The following CPED1 variants were observed in gnomAD, a reference collection of about 807,000 sequenced individuals.
CPED1 encodes the protein cadherin-like and PC-esterase domain-containing protein 1.
In CPED1, 114 loss-of-function variants were observed where a neutral mutation model predicts 128.2. That is an observed-to-expected ratio of 0.89 (90% confidence interval 0.76 to 1.04). CPED1 has a LOEUF of 1.04. Ranked by LOEUF, CPED1 falls within the 50% of genes least tolerant of loss-of-function variation. The probability of loss-of-function intolerance (pLI) is 0.00; values close to 1 mark genes in which losing one functional copy is unlikely to be tolerated. For synonymous variants in CPED1, 462 were observed against 426.7 expected (o/e 1.08, Z -1.02); for missense variants, 1,211 against 1,207.1 (o/e 1.00, Z -0.05).
chr7:121,046,106 T>C (rs996165079), intron 3 of CPED1, among the ~76,000 whole-genome samples: 1 of 152,096 alleles, frequency 6.6e-6, no homozygotes, highest in African/African-American at 2.4e-5. Context: ...AACCCATGTA[T>C]ACACACAAAT....
chr7:121,127,022 A>G (rs867531866), intron 9 of CPED1, 68 bp from the exon 10 acceptor site: 1 of 1,170,216 alleles, frequency 8.5e-7, no homozygotes, highest in Non-Finnish European at 1.2e-6. Flanking sequence ...ATCATGTCTT[A>G]GAAGTAATTC....
Position 121,267,280 on chromosome 7 carries a change from A to G in CPED1, c.2699A>G (p.Asp900Gly). The G allele has an allele frequency of 3.1e-6, 5 of 1,591,628 alleles. No individual in the cohort carries two copies. The highest frequency in any genetic ancestry group is 4.3e-6 in the Non-Finnish European group (5 of 1,164,484). ...TLGIGFHLPV[D>G]GVHFLTQSEV... ...GGAATTGGATTTCATCTGCCAGTGG[A>G]TGGAGTACATTTCTTAACACAGGTA... Residue 900 changes from aspartate to glycine, a missense_variant, in exon 21 of 23, where the codon GAT becomes GGT. Coordinates refer to ENST00000310396, the MANE Select transcript of CPED1 (RefSeq NM_024913.5).
intron 3 of CPED1, among the ~76,000 whole-genome samples, chr7:121,042,969 G>A (rs1333135137): frequency 6.6e-6 from 1 of 152,174 alleles, no homozygotes; most frequent in Non-Finnish European, 1.5e-5. Context: ...GGCTTTGCCT[G>A]TTTTCAGCTA....
At chr7:121,130,665 C>G (rs1036911403) in intron 12 of CPED1, among the ~76,000 whole-genome samples, 1 of 151,970 alleles carries the variant, frequency 6.6e-6, no homozygotes, top group Non-Finnish European at 1.5e-5. Flanking sequence ...CAGCTTGAGA[C>G]AGTAAAATTA....
intron 7 of CPED1, among the ~76,000 whole-genome samples, chr7:121,118,632 T>C (rs1214513263): frequency 6.6e-6 from 1 of 151,822 alleles, no homozygotes; most frequent in African/African-American, 2.4e-5. Context: ...AGGTCATTCT[T>C]GTGTTGCTGT....
At chr7:121,120,592 G>C (rs755129217) in intron 7 of CPED1, among the ~76,000 whole-genome samples, 1 of 152,038 alleles carries the variant, frequency 6.6e-6, no homozygotes, top group Non-Finnish European at 1.5e-5. Flanking sequence ...TTCTGCTCCG[G>C]TTTCTCATTC....
chr7:121,149,247 C>T (rs1796095904), intron 16 of CPED1, among the ~76,000 whole-genome samples: 2 of 151,452 alleles, frequency 1.3e-5, no homozygotes, highest in African/African-American at 2.4e-5. Context: ...ATTTTGAATG[C>T]ATAGACCTCC....
chr7:121,226,092 C>A (rs1798003133), intron 16 of CPED1, among the ~76,000 whole-genome samples: 1 of 152,094 alleles, frequency 6.6e-6, no homozygotes, highest in Admixed American at 6.6e-5. Flanking sequence ...CTTTTCTGCT[C>A]TGGGTTTTCC....
At chr7:121,124,754 G>A (rs913600865) in intron 8 of CPED1, among the ~76,000 whole-genome samples, 22 of 152,218 alleles carry the variant, frequency 1.4e-4, no homozygotes, top group African/African-American at 4.3e-4. Context: ...CTTTTCAAGT[G>A]CAACTGTTTC....
In CPED1 at chr7:121,193,479, CA is replaced by C. The variant is rs1797193692; in HGVS notation, c.2056-43233del. Reference sequence around the variant, plus strand: ...TGTCAAAGTTCCTACTGGGTCGCTTCAACTAATAAAATCAAAATCACATTAA... The same window carrying C: ...TGTCAAAGTTCCTACTGGGTCGCTTCACTAATAAAATCAAAATCACATTAA... On this transcript the variant is annotated intron_variant, in intron 16 of 22. Transcript: ENST00000310396. Among the ~76,000 whole-genome samples, 3 of 152,212 alleles carry C rather than the reference CA, an allele frequency of 2.0e-5. No homozygotes were observed. The South Asian group carries it at 6.2e-4, about 32-fold the overall frequency.
At chr7:121,038,093 T>A (rs1472864067) in intron 3 of CPED1, among the ~76,000 whole-genome samples, 1 of 152,174 alleles carries the variant, frequency 6.6e-6, no homozygotes, top group East Asian at 1.9e-4. Context: ...GCAGCGACAG[T>A]TTGACTTCCT....
At chr7:121,200,531 G>T (rs1394628084) in intron 16 of CPED1, among the ~76,000 whole-genome samples, 1 of 152,028 alleles carries the variant, frequency 6.6e-6, no homozygotes, top group Admixed American at 6.6e-5. Context: ...AGAGGTTCTG[G>T]GAGCCTTTTT....
At chr7:121,265,298 G>C (rs1792101153) in intron 18 of CPED1, among the ~76,000 whole-genome samples, 1 of 152,030 alleles carries the variant, frequency 6.6e-6, no homozygotes, top group Non-Finnish European at 1.5e-5. Context: ...TCTCCATTTA[G>C]TAGATTTATG....
At chr7:121,253,080 A>C (rs1338730984) in intron 18 of CPED1, among the ~76,000 whole-genome samples, 2 of 152,072 alleles carry the variant, frequency 1.3e-5, no homozygotes, top group Non-Finnish European at 2.9e-5. Flanking sequence ...CAACAATGAT[A>C]GACTGGATTA....
At chr7:121,056,336 T>A (rs1793498731) in intron 4 of CPED1, among the ~76,000 whole-genome samples, 1 of 152,142 alleles carries the variant, frequency 6.6e-6, no homozygotes, top group African/African-American at 2.4e-5. Context: ...AATCTCCTAT[T>A]TAAAATAAGT....
intron 2 of CPED1, among the ~76,000 whole-genome samples, chr7:120,990,431 T>C (rs1049779841): frequency 1.3e-4 from 20 of 152,202 alleles, no homozygotes; most frequent in Admixed American, 1.2e-3. Flanking sequence ...ATACAATGTA[T>C]TTTATTGTTT....
chr7:121,050,550 G>A (rs922651886), intron 4 of CPED1: 2 of 172,820 alleles, frequency 1.2e-5, no homozygotes, highest in East Asian at 1.8e-4. Flanking sequence ...TGCAACATCC[G>A]CCTCCCAGGT....
chr7:121,126,973 C>G, intron 9 of CPED1, 117 bp from the exon 10 acceptor site: 1 of 677,876 alleles, frequency 1.5e-6, no homozygotes, highest in Non-Finnish European at 2.3e-6. Context: ...AAAAAGACCA[C>G]TAGATGTCAG....
intron 17 of CPED1, among the ~76,000 whole-genome samples, chr7:121,242,774 T>G (rs1488416077): frequency 6.6e-6 from 1 of 152,152 alleles, no homozygotes; most frequent in Non-Finnish European, 1.5e-5. Flanking sequence ...ATATTTTCTT[T>G]CCTTTCCTGG....
Sources: gnomAD v4.1 joint callset for allele counts (sites outside exome capture counted in the v4.1 genomes callset) on GRCh38, gnomAD v4.1.1 for gene constraint, MANE v1.5 for transcripts, NCBI Gene and HGNC (gene_info 2026-07-23, HGNC 2026-07-21) for gene names.